The following LIPC variants were observed in gnomAD, a reference collection of about 807,000 sequenced individuals.
LIPC encodes lipase C, hepatic type.
Under a neutral mutation model 50.7 loss-of-function variants are expected in LIPC, and 44 were observed. The ratio of observed to expected loss-of-function variants is 0.87; its 90% CI spans 0.68 to 1.11. The LOEUF (loss-of-function observed/expected upper bound fraction) is 1.11. LIPC is among the 50% of genes most tolerant of loss of function. The probability of loss-of-function intolerance (pLI) is 0.00; values close to 1 mark genes in which losing one functional copy is unlikely to be tolerated. For synonymous variants in LIPC, 271 were observed against 256.4 expected (o/e 1.06, Z -0.54); for missense variants, 697 against 648.2 (o/e 1.08, Z -0.82).
intron 1 of LIPC, among the ~76,000 whole-genome samples, chr15:58,518,575 C>T (rs769700041): frequency 1.3e-5 from 2 of 152,170 alleles, no homozygotes; most frequent in Non-Finnish European, 2.9e-5. Flanking sequence ...AATCCACTTT[C>T]CAAGGAAACA....
At chr15:58,559,559 G>C (rs564856906) in intron 6 of LIPC, among the ~76,000 whole-genome samples, 1 of 152,084 alleles carries the variant, frequency 6.6e-6, no homozygotes, top group African/African-American at 2.4e-5. Flanking sequence ...TTAACATGCC[G>C]TATTAAACCT....
At chr15:58,528,821 A>G (rs757835738) in intron 1 of LIPC, among the ~76,000 whole-genome samples, 6 of 152,174 alleles carry the variant, frequency 3.9e-5, no homozygotes, top group African/African-American at 7.2e-5. Context: ...CACCCAATTC[A>G]TCTTCTGGCA....
chr15:58,546,097 T>A, intron 5 of LIPC, 122 bp downstream of exon 5: 1 of 873,070 alleles, frequency 1.1e-6, no homozygotes, highest in South Asian at 1.4e-5. Flanking sequence ...GGGCCCAGGG[T>A]GTATGGTCAC....
chr15:58,473,179 T>C (rs1890871059), intron 1 of LIPC, among the ~76,000 whole-genome samples: 1 of 152,112 alleles, frequency 6.6e-6, no homozygotes, highest in African/African-American at 2.4e-5. Flanking sequence ...GGGCCTGTGT[T>C]TCCTGCATTT....
intron 1 of LIPC, among the ~76,000 whole-genome samples, chr15:58,507,656 G>A (rs1892196021): frequency 6.6e-6 from 1 of 152,204 alleles, no homozygotes; most frequent in Non-Finnish European, 1.5e-5. Flanking sequence ...TAGCTGGCTA[G>A]CGACCTTTTT....
chr15:58,512,103 CTTTT>C (rs1163187152), intron 1 of LIPC, among the ~76,000 whole-genome samples: 1 of 144,852 alleles, frequency 6.9e-6, no homozygotes, highest in Non-Finnish European at 1.5e-5. Context: ...TTTTCTTTTT[CTTTT>C]TTTTTTTTGA....
rs148239279 is a variant in LIPC at position 58,432,275 on chromosome 15, C to T, written c.88+155C>T. ...ACGACCTCACAGGTTCACAGGGACA[C>T]GTAGCCGTTTGTAAACAGAAATGAA... On this transcript the variant is annotated intron_variant, in intron 1 of 8. Coordinates refer to ENST00000299022, the MANE Select transcript of LIPC (RefSeq NM_000236.3). 94 of 674,208 alleles carry T rather than the reference C, an allele frequency of 1.4e-4. 2 individuals are homozygous for T. Among genetic ancestry groups the T allele is most frequent in the African/African-American group, 1.3e-3 (74 of 55,412 alleles). 41.8% of individuals were successfully genotyped at this position (674,208 alleles called of 1,614,324 possible). A position where few individuals can be genotyped will look rare whatever the true frequency, so the allele number is the denominator to read the frequency against.
intron 1 of LIPC, among the ~76,000 whole-genome samples, chr15:58,461,209 A>T (rs1894337686): frequency 6.6e-6 from 1 of 152,210 alleles, no homozygotes; most frequent in African/African-American, 2.4e-5. Flanking sequence ...AAAAGCTAAC[A>T]TTTACTGAAG....
chr15:58,464,918 A>T (rs1215181341), intron 1 of LIPC, among the ~76,000 whole-genome samples: 1 of 152,188 alleles, frequency 6.6e-6, no homozygotes, highest in Non-Finnish European at 1.5e-5. Context: ...GGTTGCAGTG[A>T]GCCAAGACTG....
intron 1 of LIPC, among the ~76,000 whole-genome samples, chr15:58,480,792 T>C (rs1323954002): frequency 2.0e-5 from 3 of 152,214 alleles, no homozygotes; most frequent in Non-Finnish European, 2.9e-5. Flanking sequence ...ACAATTCTTC[T>C]TCCAATGTGG....
chr15:58,473,691 C>T (rs28417614), intron 1 of LIPC: 1 of 152,282 alleles, frequency 6.6e-6, no homozygotes, highest in African/African-American at 2.4e-5. Context: ...CTCCTGCATT[C>T]TTCACACAGC....
intron 1 of LIPC, among the ~76,000 whole-genome samples, chr15:58,510,459 A>G (rs1892294436): frequency 6.6e-6 from 1 of 152,232 alleles, no homozygotes; most frequent in African/African-American, 2.4e-5. Flanking sequence ...CATAAATTTG[A>G]TATTCATCAT....
intron 1 of LIPC, among the ~76,000 whole-genome samples, chr15:58,535,900 A>C (rs1423800008): frequency 6.6e-6 from 1 of 152,218 alleles, no homozygotes; most frequent in South Asian, 2.1e-4. Context: ...AATGAGCTAC[A>C]TTAGGTCCAA....
intron 1 of LIPC, among the ~76,000 whole-genome samples, chr15:58,485,741 C>A (rs184550079): frequency 6.6e-6 from 1 of 152,316 alleles, no homozygotes; most frequent in East Asian, 1.9e-4. Context: ...GTGGCATAAG[C>A]GAGAGAGCCC....
intron 1 of LIPC, chr15:58,494,854 C>A (rs779437232): frequency 2.0e-5 from 9 of 456,254 alleles, no homozygotes; most frequent in Middle Eastern, 3.3e-4. Context: ...GTCCTCCCTT[C>A]ATCTGATTTC....
At chr15:58,561,016 ACAC>A (rs2140951747) in intron 7 of LIPC, 35 bp downstream of exon 7, 2 of 791,924 alleles carry the variant, frequency 2.5e-6, no homozygotes, top group Non-Finnish European at 4.0e-6. Context: ...GGGTGATGAC[ACAC>A]TTATTTTTCT....
intron 1 of LIPC, among the ~76,000 whole-genome samples, chr15:58,492,771 C>A (rs993548637): frequency 6.6e-6 from 1 of 152,182 alleles, no homozygotes; most frequent in Non-Finnish European, 1.5e-5. Context: ...TCACTCACCC[C>A]CCTCCTTAAA....
At chr15:58,482,956 G>T (rs1242510145) in intron 1 of LIPC, among the ~76,000 whole-genome samples, 2 of 152,094 alleles carry the variant, frequency 1.3e-5, no homozygotes, top group East Asian at 3.9e-4. Flanking sequence ...CCCAGAACCT[G>T]GCCAGCCTTA....
intron 1 of LIPC, among the ~76,000 whole-genome samples, chr15:58,499,973 A>C (rs1015172696): frequency 2.0e-5 from 3 of 152,198 alleles, no homozygotes; most frequent in Non-Finnish European, 2.9e-5. Context: ...CTGATTTGGT[A>C]CAAGAGATCC....
Sources: allele counts gnomAD v4.1 joint callset (sites outside exome capture counted in the v4.1 genomes callset), GRCh38; gene constraint gnomAD v4.1.1; transcripts MANE v1.5; gene names NCBI Gene and HGNC (gene_info 2026-07-23, HGNC 2026-07-21).